The following IL1RAPL2 variants were observed in gnomAD, a reference collection of about 807,000 sequenced individuals.
IL1RAPL2 encodes X-linked interleukin-1 receptor accessory protein-like 2.
Under a neutral mutation model 44.1 loss-of-function variants are expected in IL1RAPL2, and 3 were observed. The ratio of observed to expected loss-of-function variants is 0.07; its 90% CI spans 0.03 to 0.18. IL1RAPL2 has a LOEUF of 0.18. Ranked by LOEUF, IL1RAPL2 falls within the 10% of genes least tolerant of loss-of-function variation. The probability of loss-of-function intolerance (pLI) is 1.00; values close to 1 mark genes in which losing one functional copy is unlikely to be tolerated. For missense variants in IL1RAPL2, 391 were observed against 496.4 expected (o/e 0.79, Z 2.02); for synonymous variants, 181 against 178.8 (o/e 1.01, Z -0.10).
At chrX:104,976,024 G>A (rs931457206) in intron 2 of IL1RAPL2, among the ~76,000 whole-genome samples, 3 of 111,343 alleles carry the variant, frequency 2.7e-5, no homozygotes, top group Non-Finnish European at 3.8e-5. Context: ...CTGTACATAG[G>A]GATATCCTCC....
At chrX:105,048,543 T>A (rs1776448320) in intron 2 of IL1RAPL2, among the ~76,000 whole-genome samples, 1 of 110,815 alleles carries the variant, frequency 9.0e-6, no homozygotes, top group Non-Finnish European at 1.9e-5. Context: ...ATATTGCACA[T>A]TTTTTTTCAT....
chrX:104,703,136 G>A (rs1931305907), intron 2 of IL1RAPL2, among the ~76,000 whole-genome samples: 1 of 111,299 alleles, frequency 9.0e-6, no homozygotes, highest in African/African-American at 3.3e-5. Flanking sequence ...AAGGATGCTG[G>A]TCTAGCCTAG....
intron 3 of IL1RAPL2, among the ~76,000 whole-genome samples, chrX:105,207,580 C>T (rs782573585): frequency 8.9e-6 from 1 of 111,818 alleles, no homozygotes; most frequent in Admixed American, 9.5e-5. Flanking sequence ...TCCTGGAATG[C>T]ATCCCCTATA....
chrX:105,265,223 G>A (rs1158854606), intron 4 of IL1RAPL2, among the ~76,000 whole-genome samples: 1 of 112,200 alleles, frequency 8.9e-6, no homozygotes, highest in African/African-American at 3.2e-5. Flanking sequence ...TTGTGTGAAA[G>A]CGCAGCAGCT....
intron 2 of IL1RAPL2, among the ~76,000 whole-genome samples, chrX:104,789,403 C>G (rs1334438367): frequency 9.0e-6 from 1 of 111,539 alleles, no homozygotes; most frequent in Non-Finnish European, 1.9e-5. Context: ...AGTTGGTTTT[C>G]TGTGGAAATA....
At chrX:104,805,112 TAC>T (rs1305329764) in intron 2 of IL1RAPL2, among the ~76,000 whole-genome samples, 1 of 111,758 alleles carries the variant, frequency 8.9e-6, no homozygotes, top group Non-Finnish European at 1.9e-5. Flanking sequence ...TCTTTTGAGA[TAC>T]AGTCATTGCC....
intron 2 of IL1RAPL2, among the ~76,000 whole-genome samples, chrX:104,980,084 A>G (rs1358645883): frequency 1.8e-5 from 2 of 111,972 alleles, no homozygotes; most frequent in African/African-American, 6.5e-5. Context: ...ATATCTATCA[A>G]TATGGGTCTA....
At chrX:105,710,331 G>T (rs2038198059) in intron 6 of IL1RAPL2, among the ~76,000 whole-genome samples, 1 of 98,793 alleles carries the variant, frequency 1.0e-5, no homozygotes, top group African/African-American at 3.8e-5. Context: ...TTATCTCACG[G>T]TCACTGTTGT....
intron 2 of IL1RAPL2, among the ~76,000 whole-genome samples, chrX:105,184,497 T>A (rs1232443551): frequency 9.1e-6 from 1 of 109,599 alleles, no homozygotes; most frequent in Non-Finnish European, 1.9e-5. Context: ...TTATAAATTA[T>A]GAATATAATA....
intron 2 of IL1RAPL2, among the ~76,000 whole-genome samples, chrX:104,871,759 C>T (rs1265256363): frequency 8.9e-6 from 1 of 111,755 alleles, no homozygotes; most frequent in African/African-American, 3.2e-5. Flanking sequence ...ATGATTCCTT[C>T]TCTCCTAATT....
intron 6 of IL1RAPL2, among the ~76,000 whole-genome samples, chrX:105,532,656 GA>G (rs150545790): frequency 0.16 from 17,259 of 109,611 alleles, 3,393 homozygotes; most frequent in African/African-American, 0.54. Context: ...AGTAAATTCA[GA>G]AAAGTTTTAT....
At chrX:104,752,610 G>T (rs1057421822) in intron 2 of IL1RAPL2, among the ~76,000 whole-genome samples, 6 of 110,301 alleles carry the variant, frequency 5.4e-5, no homozygotes, top group African/African-American at 2.0e-4. Context: ...AAAATATTTA[G>T]CATTTAGCTA....
At chrX:105,543,593 T>C (rs188161818) in intron 6 of IL1RAPL2, among the ~76,000 whole-genome samples, 10 of 112,153 alleles carry the variant, frequency 8.9e-5, no homozygotes, top group African/African-American at 3.2e-4. Context: ...GCCTGAGACA[T>C]CTGAAGCCAA....
chrX:104,632,750 G>T (rs11092491), intron 1 of IL1RAPL2, among the ~76,000 whole-genome samples: 1 of 105,831 alleles, frequency 9.4e-6, no homozygotes, highest in Non-Finnish European at 2.0e-5. Context: ...GGGCTGAGAC[G>T]ATGGGGTTTT....
At chrX:104,577,002 T>C (rs1928255240) in intron 1 of IL1RAPL2, among the ~76,000 whole-genome samples, 1 of 112,407 alleles carries the variant, frequency 8.9e-6, no homozygotes, top group South Asian at 3.7e-4. Flanking sequence ...AAACACCCAC[T>C]GCTCATCTCA....
intron 2 of IL1RAPL2, among the ~76,000 whole-genome samples, chrX:104,693,584 C>A (rs770877900): frequency 8.9e-6 from 1 of 111,996 alleles, no homozygotes; most frequent in East Asian, 2.8e-4. Flanking sequence ...ACGGTGATAA[C>A]TTGGCTGGAC....
chrX:105,463,602 A>T (rs2036108921), intron 5 of IL1RAPL2, among the ~76,000 whole-genome samples: 1 of 93,298 alleles, frequency 1.1e-5, no homozygotes, highest in Non-Finnish European at 2.3e-5. Flanking sequence ...ACACACACAC[A>T]TGCACGCATA....
At chrX:105,063,674 T>TAGTCATTAGAA (rs2032102133) in intron 2 of IL1RAPL2, among the ~76,000 whole-genome samples, 1 of 111,865 alleles carries the variant, frequency 8.9e-6, no homozygotes, top group African/African-American at 3.3e-5. Context: ...TGGGTTTCTT[T>TAGTCATTAGAA]TGTACTCATT....
At chrX:105,759,795 C>T (rs1422463319) in intron 10 of IL1RAPL2, among the ~76,000 whole-genome samples, 1 of 111,993 alleles carries the variant, frequency 8.9e-6, no homozygotes, top group African/African-American at 3.2e-5. Flanking sequence ...GTCAGATGAT[C>T]CCTAGTCACT....
Sources: gnomAD v4.1 joint callset for allele counts (sites outside exome capture counted in the v4.1 genomes callset) on GRCh38, gnomAD v4.1.1 for gene constraint, MANE v1.5 for transcripts, NCBI Gene and HGNC (gene_info 2026-07-23, HGNC 2026-07-21) for gene names.